ATP2A2: variants seen among roughly 807,000 people sequenced by gnomAD.
The protein encoded by ATP2A2 is ATPase sarcoplasmic/endoplasmic reticulum Ca2+ transporting 2.
Under a neutral mutation model 109.3 loss-of-function variants are expected in ATP2A2, and 14 were observed. The ratio of observed to expected loss-of-function variants is 0.13; its 90% CI spans 0.08 to 0.20. The LOEUF (loss-of-function observed/expected upper bound fraction) is 0.20, where lower values mean the gene tolerates loss of function less well. Among genes scored for constraint, ATP2A2 ranks in the 10% least tolerant of loss-of-function variants. The pLI is 1.00. For synonymous variants in ATP2A2, 506 were observed against 490.9 expected (o/e 1.03, Z -0.41); for missense variants, 657 against 1,321.6 (o/e 0.50, Z 7.80).
At position 110,348,062 on chromosome 12, in the gene ATP2A2, G is replaced by A; in HGVS notation, c.*1592G>A. ...CCAAGCCAGACAAAAGCCGGAGTGG[G>A]GAGAGAGGCATTTCAGCCAGACCAA... On this transcript the variant is annotated 3_prime_UTR_variant, in exon 20 of 20. Coordinates refer to ENST00000539276, the MANE Select transcript of ATP2A2 (RefSeq NM_170665.4). 1 of 986,500 alleles carries A rather than the reference G, an allele frequency of 1.0e-6. No individual in the cohort carries two copies. The highest frequency in any genetic ancestry group is 1.2e-6 in the Non-Finnish European group (1 of 830,712). The allele number at this position is 986,500 out of a possible 1,614,324, so 61.1% of individuals were successfully genotyped here. A position where few individuals can be genotyped will look rare whatever the true frequency, so the allele number is the denominator to read the frequency against.
chr12:110,344,163 ATGCGTAG>A (rs1835007351), intron 16 of ATP2A2, among the ~76,000 whole-genome samples: 1 of 152,080 alleles, frequency 6.6e-6, no homozygotes, highest in African/African-American at 2.4e-5. Flanking sequence ...ATATCCGGAC[ATGCGTAG>A]TGCCTCATCC....
rs1294045813 is a variant in ATP2A2 at position 110,347,706 on chromosome 12, G to A, written c.*1236G>A. The A allele has an allele frequency of 4.2e-5, 49 of 1,166,092 alleles. No individual in the cohort carries two copies. In the South Asian group the frequency reaches 7.1e-4, roughly 17 times the overall value. The allele number at this position is 1,166,092 out of a possible 1,614,324, so 72.2% of individuals were successfully genotyped here. ...ACGATCAATGTTTGCGCATGTTCGA[G>A]ATGAGTCTCACCAACAGTGTGTAAG... On this transcript the variant is annotated 3_prime_UTR_variant, in exon 20 of 20. Transcript: ENST00000539276.
chr12:110,281,664 A>G lies in ATP2A2; in HGVS notation c.-126A>G. 1 of 503,400 alleles carries G rather than the reference A, an allele frequency of 2.0e-6. No individual in the cohort carries two copies. Among genetic ancestry groups the G allele is most frequent in the Non-Finnish European group, 3.2e-6 (1 of 311,204 alleles). 31.2% of individuals were successfully genotyped at this position (503,400 alleles called of 1,614,324 possible). ...GCCCGGCGAGGCGGAAGCGGCCGCAAGAGGAGGAGGGGAGAGCCCGTCCGC... is the reference window on the plus strand; with the variant it reads ...GCCCGGCGAGGCGGAAGCGGCCGCAGGAGGAGGAGGGGAGAGCCCGTCCGC... On this transcript the variant is annotated 5_prime_UTR_variant, in exon 1 of 20. Coordinates refer to ENST00000539276, the MANE Select transcript of ATP2A2 (RefSeq NM_170665.4).
At chr12:110,298,565 G>A (rs1282196891) in intron 5 of ATP2A2, among the ~76,000 whole-genome samples, 2 of 152,064 alleles carry the variant, frequency 1.3e-5, no homozygotes, top group African/African-American at 4.8e-5. Context: ...TGAAAATACA[G>A]AAATCAGCTG....
Position 110,333,992 on chromosome 12 carries a change from T to C in ATP2A2, c.1288-20T>C. On this transcript the variant is annotated intron_variant, in intron 10 of 19. Transcript: ENST00000539276. ...GTACTTCTCCCTTTTTTCTACTTTC[T>C]GTGCCTTTAACCAATACAGGCAAAG... 6.2e-7 allele frequency: 1 copy of C among 1,614,064 alleles called. No individual in the cohort carries two copies. The highest frequency in any genetic ancestry group is 1.3e-5 in the African/African-American group (1 of 75,054).
At position 110,326,422 on chromosome 12, in the gene ATP2A2, C is replaced by A; in HGVS notation, c.577C>A (p.Pro193Thr). Residue 193 changes from proline (P) to threonine (T), a missense_variant, in exon 7 of 20, where the codon CCC (proline) becomes ACC (threonine). By Grantham distance (38) the Pro-to-Thr change is conservative (BLOSUM62 -1). Coordinates refer to ENST00000539276, the MANE Select transcript of ATP2A2 (RefSeq NM_170665.4). ...ESVSVIKHTD[P>T]VPDPRAVNQD... The stretch of plus-strand genomic sequence containing the variant: ...TGTCTCTGTCATCAAGCACACTGAT[C>A]CCGTCCCTGACCCACGAGCTGTCAA... 6.2e-7 allele frequency: 1 copy of A among 1,614,080 alleles called. No individual in the cohort carries two copies. Among genetic ancestry groups the A allele is most frequent in the Non-Finnish European group, 8.5e-7 (1 of 1,179,996 alleles).
In ATP2A2 at chr12:110,326,400, C is replaced by T. The variant is rs886048952; in HGVS notation, c.555C>T (p.Val185=). ...VDQSILTGES[V]SVIKHTDPVP... ...TCACAACCCGCTTAGGTGAATCTGT[C>T]TCTGTCATCAAGCACACTGATCCCG... Residue 185 remains valine (V), a synonymous_variant, in exon 7 of 20, where the codon GTC becomes GTT. Transcript: ENST00000539276. 4 of 1,613,990 alleles carry T rather than the reference C, an allele frequency of 2.5e-6. No individual in the cohort carries two copies. Among genetic ancestry groups the T allele is most frequent in the African/African-American group, 1.3e-5 (1 of 75,040 alleles).
In ATP2A2 at chr12:110,281,697, C is replaced by A; in HGVS notation, c.-93C>A. 1.1e-6 allele frequency: 1 copy of A among 873,364 alleles called. No homozygotes were observed. Among genetic ancestry groups the A allele is most frequent in the Non-Finnish European group, 1.6e-6 (1 of 627,054 alleles). The allele number at this position is 873,364 out of a possible 1,614,324, so 54.1% of individuals were successfully genotyped here. A position where few individuals can be genotyped will look rare whatever the true frequency, so the allele number is the denominator to read the frequency against. ...AGGGGAGAGCCCGTCCGCGCCTGGG[C>A]TCCCGGGGTGGCACGAGCCCGCGGC... is the stretch of plus-strand genomic sequence containing the variant. On this transcript the variant is annotated 5_prime_UTR_variant, in exon 1 of 20. Transcript: ENST00000539276.
In ATP2A2 at chr12:110,342,541, G is replaced by C; in HGVS notation, c.2318+93G>C. 1 of 1,423,380 alleles carries C rather than the reference G, an allele frequency of 7.0e-7. No individual in the cohort carries two copies. Among genetic ancestry groups the C allele is most frequent in the Non-Finnish European group, 9.7e-7 (1 of 1,027,966 alleles). 88.2% of individuals were successfully genotyped at this position (1,423,380 alleles called of 1,614,324 possible). A position where few individuals can be genotyped will look rare whatever the true frequency, so the allele number is the denominator to read the frequency against. ...GCAGTTTGCTCTCCAGATTGCAGCA[G>C]CTTTGGTCTTTGTGCCTGAGTTGGA... On this transcript the variant is annotated intron_variant, in intron 15 of 19. Coordinates refer to ENST00000539276, the MANE Select transcript of ATP2A2 (RefSeq NM_170665.4). The surrounding 1 kb of genome is among the most constrained non-coding windows in gnomAD (Gnocchi z 4.6).
chr12:110,313,762 G>A (rs1470183692), intron 5 of ATP2A2, among the ~76,000 whole-genome samples: 2 of 147,554 alleles, frequency 1.4e-5, no homozygotes, highest in Admixed American at 1.4e-4. Flanking sequence ...CCAGGCTGGA[G>A]AGCAGTGGTG....
At chr12:110,305,560 T>C (rs1465578278) in intron 5 of ATP2A2, among the ~76,000 whole-genome samples, 8 of 152,260 alleles carry the variant, frequency 5.3e-5, no homozygotes, top group Admixed American at 5.2e-4. Context: ...AATTTACAAA[T>C]GCAAGAATGT....
intron 5 of ATP2A2, among the ~76,000 whole-genome samples, chr12:110,302,491 C>G (rs903359145): frequency 6.6e-6 from 1 of 151,832 alleles, no homozygotes; most frequent in Non-Finnish European, 1.5e-5. Flanking sequence ...ACTTTTTTTC[C>G]CCAGCTCTTC....
rs533908412 is a variant in ATP2A2, at chr12:110,341,352, T to C, written c.2097+358T>C. On this transcript the variant is annotated intron_variant, in intron 14 of 19. Coordinates refer to ENST00000539276, the MANE Select transcript of ATP2A2 (RefSeq NM_170665.4). ...TTTTAAGTTCTTTAAGAGCTGGCTA[T>C]TGATGAAGCATTTCCAGTATTCTTC... Among the ~76,000 whole-genome samples the C allele has an allele frequency of 5.9e-5, 9 of 152,278 alleles. No homozygotes were observed. The South Asian group carries it at 1.0e-3, about 18-fold the overall frequency.
rs542536447 is a variant in ATP2A2, at chr12:110,308,451, T to C, written c.463+11714T>C. 3.3e-5 allele frequency among the ~76,000 whole-genome samples: 5 copies of C among 152,346 alleles called. No homozygotes were observed. The South Asian group carries it at 1.0e-3, about 32-fold the overall frequency. Reference sequence around the variant, plus strand: ...TGACCTTTCATGGTGTTTGTAAACTTATATGCAAATCAGAAATGATAGTTT... The same window carrying C: ...TGACCTTTCATGGTGTTTGTAAACTCATATGCAAATCAGAAATGATAGTTT... On this transcript the variant is annotated intron_variant, in intron 5 of 19. Transcript: ENST00000539276.
Position 110,340,675 on chromosome 12 carries a change from T to C in ATP2A2, c.1778T>C (p.Val593Ala), listed in dbSNP as rs752101759. The C allele has an allele frequency of 6.2e-7, 1 of 1,614,206 alleles. No individual in the cohort carries two copies. The highest frequency in any genetic ancestry group is 8.5e-7 in the Non-Finnish European group (1 of 1,180,018). Residue 593 changes from valine to alanine, a missense_variant, in exon 14 of 20, where the codon GTT (valine) becomes GCT (alanine). Transcript: ENST00000539276. The surrounding 1 kb of genome is among the most constrained non-coding windows in gnomAD (Gnocchi z 6.0). ...FIKYETNLTF[V>A]GCVGMLDPPR... ...TTATTTTAGACCAATCTGACCTTCG[T>C]TGGCTGCGTGGGCATGCTGGATCCT...
intron 5 of ATP2A2, among the ~76,000 whole-genome samples, chr12:110,309,534 C>G (rs771305831): frequency 5.9e-5 from 9 of 152,196 alleles, no homozygotes; most frequent in Non-Finnish European, 1.3e-4. Flanking sequence ...ATAGCAAATG[C>G]TAATGTGAGT....
intron 1 of ATP2A2, 148 bp downstream of exon 1, chr12:110,282,055 A>T: frequency 1.9e-6 from 1 of 536,280 alleles, no homozygotes; most frequent in Non-Finnish European, 3.1e-6. Context: ...GCCCCGCGGG[A>T]GAGAAAGGGG....
intron 5 of ATP2A2, 39 bp from the exon 6 acceptor site, chr12:110,322,953 A>G (rs750779667): frequency 7.1e-7 from 1 of 1,400,480 alleles, no homozygotes; most frequent in Non-Finnish European, 1.0e-6. Flanking sequence ...TAGTTTTAAA[A>G]GTTGCTCATT....
Position 110,281,750 on chromosome 12 carries a change from CG to C in ATP2A2, c.-39del. 1 of 1,417,432 alleles carries C rather than the reference CG, an allele frequency of 7.1e-7. No individual in the cohort carries two copies. The highest frequency in any genetic ancestry group is 9.4e-7 in the Non-Finnish European group (1 of 1,066,386). The allele number at this position is 1,417,432 out of a possible 1,614,324, so 87.8% of individuals were successfully genotyped here. On this transcript the variant is annotated 5_prime_UTR_variant, in exon 1 of 20. Coordinates refer to ENST00000539276, the MANE Select transcript of ATP2A2 (RefSeq NM_170665.4). Reference sequence around the variant, plus strand: ...GAGTGCGAGGCGGAGGCGAGGAGGCCGCGGGGACGGGAGGCGAGGCCGGCCG... The same window carrying C: ...GAGTGCGAGGCGGAGGCGAGGAGGCCCGGGGACGGGAGGCGAGGCCGGCCG...
Sources: allele counts gnomAD v4.1 joint callset (sites outside exome capture counted in the v4.1 genomes callset), GRCh38; gene constraint gnomAD v4.1.1; non-coding constraint Gnocchi (gnomAD v3.1); transcripts MANE v1.5; gene names NCBI Gene and HGNC (gene_info 2026-07-23, HGNC 2026-07-21).